CCDC60: variants seen among roughly 807,000 people sequenced by gnomAD.
CCDC60 encodes coiled-coil domain containing 60.
In CCDC60, 54 loss-of-function variants were observed where a neutral mutation model predicts 63.5. That is an observed-to-expected ratio of 0.85 (90% CI 0.68 to 1.07). The LOEUF is 1.07. Among genes scored for constraint, CCDC60 ranks in the 50% least tolerant of loss-of-function variants. The pLI is 0.00. For missense variants in CCDC60, 651 were observed against 684.3 expected, an observed-to-expected ratio of 0.95 and a Z score of 0.54; for synonymous variants, 206 against 238.8, an observed-to-expected ratio of 0.86 and a Z score of 1.27.
chr12:119,422,240 A>G (rs1202801445), intron 1 of CCDC60, among the ~76,000 whole-genome samples: 1 of 152,212 alleles, frequency 6.6e-6, no homozygotes, highest in Non-Finnish European at 1.5e-5. Context: ...GGAAGCAAAG[A>G]CAGAAAATCA....
At chr12:119,507,077 C>A (rs976357380) in intron 7 of CCDC60, among the ~76,000 whole-genome samples, 3 of 152,102 alleles carry the variant, frequency 2.0e-5, no homozygotes, top group African/African-American at 7.2e-5. Context: ...AGTGTTCTCT[C>A]TCACACCATC....
At chr12:119,405,905 C>T (rs1386598652) in intron 1 of CCDC60, among the ~76,000 whole-genome samples, 2 of 152,028 alleles carry the variant, frequency 1.3e-5, no homozygotes, top group Non-Finnish European at 2.9e-5. Context: ...GGTGTGGTGG[C>T]TCACGCCTGT....
intron 2 of CCDC60, among the ~76,000 whole-genome samples, chr12:119,460,429 T>C (rs541387855): frequency 6.6e-6 from 1 of 152,234 alleles, no homozygotes; most frequent in Admixed American, 6.5e-5. Flanking sequence ...TTGACATGTG[T>C]TTTTGTGTTT....
At chr12:119,375,451 C>T (rs937745890) in intron 1 of CCDC60, among the ~76,000 whole-genome samples, 3 of 152,110 alleles carry the variant, frequency 2.0e-5, no homozygotes, top group Admixed American at 6.5e-5. Flanking sequence ...TTGCTTTCTC[C>T]GCACTGGACT....
chr12:119,434,860 G>T (rs949603811), intron 2 of CCDC60, among the ~76,000 whole-genome samples: 2 of 152,168 alleles, frequency 1.3e-5, no homozygotes, highest in East Asian at 1.9e-4. Context: ...ACGCTGCCTT[G>T]TAGGCTGCGA....
At chr12:119,363,557 T>C (rs1352616468) in intron 1 of CCDC60, among the ~76,000 whole-genome samples, 1 of 152,218 alleles carries the variant, frequency 6.6e-6, no homozygotes, top group African/African-American at 2.4e-5. Flanking sequence ...GAGCTTTTTT[T>C]CTATATGTAT....
At position 119,514,895 on chromosome 12, in the gene CCDC60, T is replaced by C. The variant is rs187983346; in HGVS notation, c.884-1728T>C. Among the ~76,000 whole-genome samples the C allele has an allele frequency of 2.6e-4, 39 of 152,316 alleles. No homozygotes were observed. In the East Asian group the frequency reaches 6.6e-3, roughly 26 times the overall value. ...TACTATTTTTTATCTCATACTCTAT[T>C]TTGGCTGTACCTTTTCTGTTATCCC... On this transcript the variant is annotated intron_variant, in intron 7 of 13. Transcript: ENST00000327554.
In CCDC60 at chr12:119,501,089, G is replaced by A. The variant is rs553445508; in HGVS notation, c.648+921G>A. ...AGGTAATAGAGCACACAACTAGAGC[G>A]TTTGCTGAACCTGTCCCCTAACCTA... On this transcript the variant is annotated intron_variant, in intron 6 of 13. Transcript: ENST00000327554. Among the ~76,000 whole-genome samples, 11 of 152,294 alleles carry A rather than the reference G, an allele frequency of 7.2e-5. No individual in the cohort carries two copies. The East Asian group carries it at 7.7e-4, about 11-fold the overall frequency.
intron 2 of CCDC60, chr12:119,433,688 G>A (rs1716470): frequency 0.58 from 389,219 of 673,120 alleles, 114,904 homozygotes; most frequent in East Asian, 0.75. Context: ...CCCTCCTGTT[G>A]GAGACTAGCT....
intron 12 of CCDC60, 148 bp downstream of exon 12, chr12:119,528,894 C>G (rs1952763549): frequency 2.7e-6 from 2 of 742,090 alleles, no homozygotes; most frequent in Admixed American, 3.3e-5. Context: ...TCCCCCACCC[C>G]CCAGAAACAC....
At chr12:119,528,320 A>G (rs552373818) in intron 11 of CCDC60, among the ~76,000 whole-genome samples, 43 of 152,260 alleles carry the variant, frequency 2.8e-4, no homozygotes, top group African/African-American at 9.6e-4. Context: ...AGGAATCATT[A>G]TTATTCCCCA....
At chr12:119,388,889 C>G (rs1193595701) in intron 1 of CCDC60, among the ~76,000 whole-genome samples, 1 of 150,420 alleles carries the variant, frequency 6.6e-6, no homozygotes, top group East Asian at 2.0e-4. Flanking sequence ...CTGGAAAACA[C>G]TGCACAAAAT....
chr12:119,457,404 G>A (rs1204274471), intron 2 of CCDC60, among the ~76,000 whole-genome samples: 1 of 152,222 alleles, frequency 6.6e-6, no homozygotes, highest in African/African-American at 2.4e-5. Context: ...AACTTGATCT[G>A]AGAGGTGAAA....
Position 119,428,688 on chromosome 12 carries a change from A to G in CCDC60, c.96A>G (p.Pro32=). ...ACCCCTTGTCTTCTCATCAGGTCCC[A>G]GACAAGCCAATGAAGAGCATCAAGT... ...FYASENLRQV[P]DKPMKSIKYM... is the part of the protein sequence containing the mutation. Residue 32 remains proline, a synonymous_variant, in exon 2 of 14, where the codon CCA becomes CCG. Coordinates refer to ENST00000327554, the MANE Select transcript of CCDC60 (RefSeq NM_178499.5). 1 of 1,599,532 alleles carries G rather than the reference A, an allele frequency of 6.3e-7. No individual in the cohort carries two copies. Among genetic ancestry groups the G allele is most frequent in the South Asian group, 1.1e-5 (1 of 89,160 alleles).
intron 3 of CCDC60, among the ~76,000 whole-genome samples, chr12:119,473,901 G>C (rs1253711822): frequency 1.3e-5 from 2 of 151,956 alleles, no homozygotes; most frequent in Non-Finnish European, 2.9e-5. Context: ...CTATATTTTT[G>C]CAATTGTGAA....
intron 1 of CCDC60, among the ~76,000 whole-genome samples, chr12:119,379,460 T>G (rs1955987360): frequency 6.6e-6 from 1 of 152,186 alleles, no homozygotes; most frequent in African/African-American, 2.4e-5. Flanking sequence ...GTTCTGCACT[T>G]TGTTGGGTTA....
At chr12:119,476,318 T>C (rs1243932994) in intron 3 of CCDC60, among the ~76,000 whole-genome samples, 2 of 152,160 alleles carry the variant, frequency 1.3e-5, no homozygotes, top group Non-Finnish European at 2.9e-5. Context: ...AACCAGAGAT[T>C]AGGGATGTAA....
At chr12:119,425,069 G>A (rs1310694939) in intron 1 of CCDC60, among the ~76,000 whole-genome samples, 2 of 152,176 alleles carry the variant, frequency 1.3e-5, no homozygotes, top group African/African-American at 4.8e-5. Context: ...CATGAAGAAG[G>A]TAAAATTTAG....
chr12:119,423,027 C>T lies in CCDC60; in HGVS notation c.91-5656C>T, dbSNP rs145844655. ...AATATGTTACCGGGGTAGGGAGACACATGAATGAGTGTCAGCAAGGAGTAT... is the reference window on the plus strand; with the variant it reads ...AATATGTTACCGGGGTAGGGAGACATATGAATGAGTGTCAGCAAGGAGTAT... On this transcript the variant is annotated intron_variant, in intron 1 of 13. Coordinates refer to ENST00000327554, the MANE Select transcript of CCDC60 (RefSeq NM_178499.5). Among the ~76,000 whole-genome samples the T allele has an allele frequency of 1.4e-3, 213 of 152,184 alleles. 1 individual carries two copies. The highest frequency in any genetic ancestry group is 4.8e-3 in the African/African-American group (201 of 41,510).
Sources: gnomAD v4.1 joint callset for allele counts (sites outside exome capture counted in the v4.1 genomes callset) on GRCh38, gnomAD v4.1.1 for gene constraint, MANE v1.5 for transcripts, NCBI Gene and HGNC (gene_info 2026-07-23, HGNC 2026-07-21) for gene names.